KCNJ16: variants seen among roughly 807,000 people sequenced by gnomAD.
The protein encoded by KCNJ16 is inward rectifier potassium channel 16.
Under a neutral mutation model 18.5 loss-of-function variants are expected in KCNJ16, and 15 were observed. That is an observed-to-expected ratio of 0.81 (90% confidence interval 0.54 to 1.25). KCNJ16 has a LOEUF of 1.25. Ranked by LOEUF, KCNJ16 falls within the 50% of genes most tolerant of loss-of-function variation. The probability of loss-of-function intolerance (pLI) is 0.00; values close to 1 mark genes in which losing one functional copy is unlikely to be tolerated. For synonymous variants in KCNJ16, 174 were observed against 186.5 expected, an observed-to-expected ratio of 0.93 and a Z score of 0.55; for missense variants, 523 against 525.7, an observed-to-expected ratio of 0.99 and a Z score of 0.05.
intron 2 of KCNJ16, among the ~76,000 whole-genome samples, chr17:70,126,597 C>T (rs1001602514): frequency 8.5e-5 from 13 of 152,150 alleles, no homozygotes; most frequent in African/African-American, 3.1e-4. Context: ...AAGTTATTTC[C>T]ACAAGATGCC....
chr17:70,092,099 G>C (rs1198209125), intron 1 of KCNJ16, among the ~76,000 whole-genome samples: 8 of 152,126 alleles, frequency 5.3e-5, no homozygotes, highest in Non-Finnish European at 1.2e-4. Context: ...ATGAACCATA[G>C]CAAGTTCCTA....
intron 2 of KCNJ16, among the ~76,000 whole-genome samples, chr17:70,109,135 A>C (rs2073074428): frequency 6.6e-6 from 1 of 152,168 alleles, no homozygotes; most frequent in South Asian, 2.1e-4. Flanking sequence ...CATGTCCAAC[A>C]GTTCCTTTTA....
Position 70,127,450 on chromosome 17 carries a change from G to C in KCNJ16, c.-190-3429G>C, listed in dbSNP as rs1334457113. Among the ~76,000 whole-genome samples, 3 of 28,720 alleles carry C rather than the reference G, an allele frequency of 1.0e-4. No individual in the cohort carries two copies. The East Asian group carries it at 3.6e-3, about 34-fold the overall frequency. The allele number at this position is 28,720 out of a possible 152,430, so 18.8% of individuals were successfully genotyped here. A position where few individuals can be genotyped will look rare whatever the true frequency, so the allele number is the denominator to read the frequency against. On this transcript the variant is annotated intron_variant, in intron 2 of 3. Transcript: ENST00000392671. The stretch of plus-strand genomic sequence containing the variant: ...CATAATTCTACGGCAAGGGCAAGAA[G>C]TTGTAAAACAGGTTTTTGAGCAAAA...
At chr17:70,107,707 C>T (rs1189735508) in intron 2 of KCNJ16, among the ~76,000 whole-genome samples, 1 of 152,030 alleles carries the variant, frequency 6.6e-6, no homozygotes, top group African/African-American at 2.4e-5. Context: ...AATTAGAAGA[C>T]TCAAGTCTTT....
chr17:70,102,401 T>C (rs1405648199), intron 2 of KCNJ16, among the ~76,000 whole-genome samples: 10 of 150,816 alleles, frequency 6.6e-5, no homozygotes, highest in Non-Finnish European at 1.2e-4. Flanking sequence ...CTAATTTTTG[T>C]ATCTTTAGTA....
intron 2 of KCNJ16, among the ~76,000 whole-genome samples, chr17:70,118,268 G>C (rs957738229): frequency 6.6e-6 from 1 of 151,982 alleles, no homozygotes; most frequent in Non-Finnish European, 1.5e-5. Flanking sequence ...GGGGGTTCGG[G>C]GGCTAGGGAA....
At chr17:70,111,874 C>T (rs1199123683) in intron 2 of KCNJ16, among the ~76,000 whole-genome samples, 5 of 152,108 alleles carry the variant, frequency 3.3e-5, no homozygotes, top group Admixed American at 6.6e-5. Flanking sequence ...TCCCCAGCCA[C>T]GTGGAACTGT....
chr17:70,109,188 C>T (rs2073076747), intron 2 of KCNJ16, among the ~76,000 whole-genome samples: 1 of 152,136 alleles, frequency 6.6e-6, no homozygotes, highest in African/African-American at 2.4e-5. Context: ...AGATAAATTT[C>T]TCATGGCTTT....
chr17:70,133,594 A>G lies in KCNJ16; in HGVS notation c.*250A>G, dbSNP rs1406871071. 2 of 359,478 alleles carry G rather than the reference A, an allele frequency of 5.6e-6. No individual in the cohort carries two copies. Among genetic ancestry groups the G allele is most frequent in the Non-Finnish European group, 1.0e-5 (2 of 190,662 alleles). 22.3% of individuals were successfully genotyped at this position (359,478 alleles called of 1,614,324 possible). A position where few individuals can be genotyped will look rare whatever the true frequency, so the allele number is the denominator to read the frequency against. On this transcript the variant is annotated 3_prime_UTR_variant, in exon 4 of 4. Transcript: ENST00000392671. ...TAATTGATTAAAATTTATCTTTTTT[A>G]TTATCTTACATGCTTGTATCTTCAG...
chr17:70,113,837 T>TA (rs200992148), intron 2 of KCNJ16, among the ~76,000 whole-genome samples: 19 of 151,934 alleles, frequency 1.3e-4, no homozygotes, highest in African/African-American at 3.6e-4. Context: ...GAGAAAGTAT[T>TA]AAAAAAAACA....
chr17:70,098,550 A>C (rs1235665836), intron 1 of KCNJ16, among the ~76,000 whole-genome samples: 1 of 151,286 alleles, frequency 6.6e-6, no homozygotes, highest in Non-Finnish European at 1.5e-5. Context: ...AAAAAAAAAA[A>C]CCTTTATGGC....
intron 1 of KCNJ16, among the ~76,000 whole-genome samples, chr17:70,094,372 T>C (rs2072256938): frequency 6.6e-6 from 1 of 152,124 alleles, no homozygotes; most frequent in Admixed American, 6.6e-5. Context: ...GTAAGGGAAG[T>C]TGGAAAGGTG....
chr17:70,076,665 TGAGA>T (rs2071324722), intron 1 of KCNJ16, among the ~76,000 whole-genome samples: 1 of 152,142 alleles, frequency 6.6e-6, no homozygotes, highest in Non-Finnish European at 1.5e-5. Context: ...AATTTCAGCA[TGAGA>T]GAGAACAAGA....
At chr17:70,131,116 T>G in intron 3 of KCNJ16, 141 bp downstream of exon 3, 1 of 986,020 alleles carries the variant, frequency 1.0e-6, no homozygotes, top group Non-Finnish European at 1.5e-6. Flanking sequence ...CGTGCTCCCT[T>G]TAAGAGGGAA....
At chr17:70,095,099 T>C (rs1032590105) in intron 1 of KCNJ16, among the ~76,000 whole-genome samples, 47 of 152,236 alleles carry the variant, frequency 3.1e-4, no homozygotes, top group African/African-American at 1.1e-3. Flanking sequence ...TAATTTACTT[T>C]TGTTTGTTTA....
At chr17:70,126,292 T>C (rs369805996) in intron 2 of KCNJ16, among the ~76,000 whole-genome samples, 2 of 152,338 alleles carry the variant, frequency 1.3e-5, no homozygotes, top group African/African-American at 4.8e-5. Context: ...ACGATTAACT[T>C]ATTCTCTTAA....
chr17:70,079,734 A>G (rs967614532), intron 1 of KCNJ16, among the ~76,000 whole-genome samples: 9 of 151,996 alleles, frequency 5.9e-5, no homozygotes, highest in Non-Finnish European at 1.2e-4. Context: ...ATGGAGTCTC[A>G]CTCTATTGCC....
At position 70,093,438 on chromosome 17, in the gene KCNJ16, A is replaced by T. The variant is rs1187432277; in HGVS notation, c.-299-7220A>T. ...TCTGTGTGTGTGTGTCTGTGTCCAG[A>T]TCTCCTGTAAGGACACCAGTCGTAT... On this transcript the variant is annotated intron_variant, in intron 1 of 3. Coordinates refer to ENST00000392671, the MANE Select transcript of KCNJ16 (RefSeq NM_170741.4). Among the ~76,000 whole-genome samples, 4 of 152,032 alleles carry T rather than the reference A, an allele frequency of 2.6e-5. No homozygotes were observed. In the East Asian group the frequency reaches 7.7e-4, roughly 29 times the overall value.
intron 2 of KCNJ16, among the ~76,000 whole-genome samples, chr17:70,123,163 C>T (rs8069098): frequency 0.99 from 150,394 of 152,314 alleles, 74,255 homozygotes; most frequent in East Asian, 1. Context: ...ACGAGATATT[C>T]TATGCTCTGG....
Sources: gnomAD v4.1 joint callset for allele counts (sites outside exome capture counted in the v4.1 genomes callset) on GRCh38, gnomAD v4.1.1 for gene constraint, MANE v1.5 for transcripts, NCBI Gene and HGNC (gene_info 2026-07-23, HGNC 2026-07-21) for gene names.